PCDHA7: variants seen among roughly 807,000 people sequenced by gnomAD.
PCDHA7 encodes the protein protocadherin alpha 7.
Under a neutral mutation model 57.2 loss-of-function variants are expected in PCDHA7, and 37 were observed. The ratio of observed to expected loss-of-function variants is 0.65; its 90% confidence interval spans 0.50 to 0.85. The LOEUF (loss-of-function observed/expected upper bound fraction) is 0.85. Ranked by LOEUF, PCDHA7 falls within the 40% of genes least tolerant of loss-of-function variation. The pLI is 0.00. For synonymous variants in PCDHA7, 553 were observed against 558.8 expected (o/e 0.99, Z 0.15); for missense variants, 1,188 against 1,241.8 (o/e 0.96, Z 0.65).
In PCDHA7 at chr5:140,925,595, A is replaced by G. The variant is rs145876147; in HGVS notation, c.2356-53354A>G. 2.8e-3 allele frequency among the ~76,000 whole-genome samples: 431 copies of G among 151,786 alleles called. 1 individual carries two copies. Among genetic ancestry groups the G allele is most frequent in the African/African-American group, 9.9e-3 (412 of 41,446 alleles). On this transcript the variant is annotated intron_variant, in intron 1 of 3. Coordinates refer to ENST00000525929, the MANE Select transcript of PCDHA7 (RefSeq NM_018910.3). ...ACACCAACATGGCGCATGTATACAT[A>G]TGTAACAAACCTGCACGTTGTGCAC...
At chr5:140,968,867 T>C (rs2153774451) in intron 1 of PCDHA7, 2 of 1,614,188 alleles carry the variant, frequency 1.2e-6, no homozygotes, top group Non-Finnish European at 1.7e-6. Flanking sequence ...CCCTCGGACA[T>C]ACTCTGAAAT....
At chr5:140,854,858 T>C (rs2043245736) in intron 1 of PCDHA7, among the ~76,000 whole-genome samples, 1 of 149,904 alleles carries the variant, frequency 6.7e-6, no homozygotes. Flanking sequence ...AATTACTAGA[T>C]ATATTTCAGA....
intron 1 of PCDHA7, among the ~76,000 whole-genome samples, chr5:140,960,656 G>T (rs553083977): frequency 1.3e-5 from 2 of 152,218 alleles, no homozygotes; most frequent in Admixed American, 1.3e-4. Context: ...CCAAATCAAT[G>T]AATGCTTTGG....
At position 141,011,086 on chromosome 5, in the gene PCDHA7, C is replaced by T. The variant is rs1181884726; in HGVS notation, c.*1149C>T. The T allele has an allele frequency of 2.6e-5, 4 of 153,678 alleles. No homozygotes were observed. Among genetic ancestry groups the T allele is most frequent in the African/African-American group, 9.7e-5 (4 of 41,430 alleles). The allele number at this position is 153,678 out of a possible 1,614,324, so 9.5% of individuals were successfully genotyped here. On this transcript the variant is annotated 3_prime_UTR_variant, in exon 4 of 4. Coordinates refer to ENST00000525929, the MANE Select transcript of PCDHA7 (RefSeq NM_018910.3). ...TGTATTACTAAATAAAATGATCTCT[C>T]TTTCTCTCTCTCTCTCTCTTTTCTA...
intron 1 of PCDHA7, among the ~76,000 whole-genome samples, chr5:140,936,813 T>C (rs1299896116): frequency 6.6e-6 from 1 of 152,216 alleles, no homozygotes; most frequent in Non-Finnish European, 1.5e-5. Flanking sequence ...TTAGCTATTT[T>C]TGGCCCTTTG....
intron 3 of PCDHA7, among the ~76,000 whole-genome samples, chr5:140,987,261 T>C (rs1245588314): frequency 6.6e-6 from 1 of 151,964 alleles, no homozygotes; most frequent in African/African-American, 2.4e-5. Context: ...TTCTCAGGAA[T>C]GGGACCCGGC....
intron 1 of PCDHA7, among the ~76,000 whole-genome samples, chr5:140,951,465 C>G (rs1304466995): frequency 1.3e-5 from 2 of 151,966 alleles, no homozygotes; most frequent in Non-Finnish European, 2.9e-5. Context: ...TGCTTGGCTT[C>G]TGGGGAGCCT....
rs573889445 is a variant in PCDHA7 at position 140,855,681 on chromosome 5, A to G, written c.2355+18943A>G. ...AGAAATCACTACTCTGAGAGTCTAC[A>G]TTTAAGAAAACATTGCACGTGGGAT... On this transcript the variant is annotated intron_variant, in intron 1 of 3. Coordinates refer to ENST00000525929, the MANE Select transcript of PCDHA7 (RefSeq NM_018910.3). Among the ~76,000 whole-genome samples the G allele has an allele frequency of 1.4e-4, 21 of 149,936 alleles. 1 individual carries two copies. The highest frequency in any genetic ancestry group is 5.1e-4 in the African/African-American group (21 of 40,902).
chr5:140,987,858 T>C (rs1203158352), intron 3 of PCDHA7, among the ~76,000 whole-genome samples: 1 of 152,142 alleles, frequency 6.6e-6, no homozygotes, highest in African/African-American at 2.4e-5. Context: ...CCACATCTCT[T>C]TACTCTGTGG....
rs782253021 is a variant in PCDHA7, at chr5:140,836,724, T to A, written c.2341T>A (p.Ser781Thr). 4.3e-6 allele frequency: 7 copies of A among 1,611,936 alleles called. No individual in the cohort carries two copies. The Admixed American group carries it at 5.0e-5, about 12-fold the overall frequency. The change falls in exon 1 of 4, where the codon TCC (serine) becomes ACC (threonine). Residue 781 changes from serine to threonine, a missense_variant. By Grantham distance (58) the Ser-to-Thr change is moderately conservative. Coordinates refer to ENST00000525929, the MANE Select transcript of PCDHA7 (RefSeq NM_018910.3). The part of the protein sequence containing the change: ...AFSPSLPQGP[S>T]STDNPRQPNP... ...CAGTCCCAGCCTTCCTCAGGGTCCATCCTCTACAGACAATGTGAGTCATAA... is the reference window on the plus strand; with the variant it reads ...CAGTCCCAGCCTTCCTCAGGGTCCAACCTCTACAGACAATGTGAGTCATAA...
At chr5:140,998,210 A>G (rs2097801454) in intron 3 of PCDHA7, among the ~76,000 whole-genome samples, 1 of 152,218 alleles carries the variant, frequency 6.6e-6, no homozygotes, top group South Asian at 2.1e-4. Flanking sequence ...TTTAATCTGT[A>G]TAACCACACC....
chr5:140,900,187 T>C (rs529700623), intron 1 of PCDHA7, among the ~76,000 whole-genome samples: 1 of 152,346 alleles, frequency 6.6e-6, no homozygotes, highest in Non-Finnish European at 1.5e-5. Context: ...ATGTCACTTA[T>C]AATGACATCC....
At chr5:140,902,367 T>C (rs2153476761) in intron 1 of PCDHA7, among the ~76,000 whole-genome samples, 1 of 152,142 alleles carries the variant, frequency 6.6e-6, no homozygotes, top group Middle Eastern at 3.4e-3. Flanking sequence ...TTCTCTTGTC[T>C]AATTGCTCTA....
chr5:140,841,522 G>C (rs2150317350), intron 1 of PCDHA7: 13 of 1,613,482 alleles, frequency 8.1e-6, no homozygotes, highest in Non-Finnish European at 1.1e-5. Context: ...TCCGGGTGGC[G>C]TCCAAAAGAC....
At chr5:140,859,113 T>C (rs1042936960) in intron 1 of PCDHA7, 1 of 150,138 alleles carries the variant, frequency 6.7e-6, no homozygotes, top group Non-Finnish European at 1.5e-5. Context: ...CAGAAGAAAA[T>C]GTATGTTTCT....
chr5:140,967,833 T>C, intron 1 of PCDHA7: 1 of 1,614,132 alleles, frequency 6.2e-7, no homozygotes, highest in Non-Finnish European at 8.5e-7. Context: ...GTGGACATCG[T>C]GGACGTGAAT....
intron 1 of PCDHA7, among the ~76,000 whole-genome samples, chr5:140,942,906 G>C (rs1454697434): frequency 6.6e-6 from 1 of 151,800 alleles, no homozygotes; most frequent in African/African-American, 2.4e-5. Context: ...CTAAGAATAA[G>C]CGTGAAGAAA....
At chr5:140,883,719 C>T in intron 1 of PCDHA7, 1 of 1,613,598 alleles carries the variant, frequency 6.2e-7, no homozygotes, top group Non-Finnish European at 8.5e-7. Context: ...GACGCGGACG[C>T]ACAGGAGAAC....
intron 1 of PCDHA7, chr5:140,852,164 G>A (rs1176947336): frequency 2.4e-6 from 2 of 829,782 alleles, no homozygotes; most frequent in Non-Finnish European, 3.0e-6. Context: ...TGAGAATAGA[G>A]CCACAAAAAT....
Sources: gnomAD v4.1 joint callset for allele counts (sites outside exome capture counted in the v4.1 genomes callset) on GRCh38, gnomAD v4.1.1 for gene constraint, MANE v1.5 for transcripts, NCBI Gene and HGNC (gene_info 2026-07-23, HGNC 2026-07-21) for gene names.